TMEM245: variants seen among roughly 807,000 people sequenced by gnomAD.
The protein encoded by TMEM245 is protein CG-2.
TMEM245 carries 69 observed loss-of-function variants against 101.2 expected under a neutral mutation model. That is an observed-to-expected ratio of 0.68 (90% confidence interval 0.56 to 0.83). The LOEUF is 0.83. TMEM245 is among the 40% of genes least tolerant of loss of function. The probability of loss-of-function intolerance (pLI) is 0.00; values close to 1 mark genes in which losing one functional copy is unlikely to be tolerated. For synonymous variants in TMEM245, 537 were observed against 449.8 expected (o/e 1.19, Z -2.45); for missense variants, 1,075 against 1,092.8 (o/e 0.98, Z 0.23).
intron 16 of TMEM245, among the ~76,000 whole-genome samples, chr9:109,033,951 T>C (rs11789624): frequency 0.22 from 34,074 of 152,188 alleles, 4,632 homozygotes; most frequent in Admixed American, 0.3. Flanking sequence ...CTGTTACTCA[T>C]AGGTCAGACT....
intron 17 of TMEM245, among the ~76,000 whole-genome samples, chr9:109,032,338 A>G (rs1225682413): frequency 1.5e-5 from 2 of 131,736 alleles, no homozygotes; most frequent in African/African-American, 5.6e-5. Flanking sequence ...GACTCATGCA[A>G]TGCATTTGGT....
At chr9:109,111,779 C>A (rs1211731561) in intron 1 of TMEM245, among the ~76,000 whole-genome samples, 1 of 152,126 alleles carries the variant, frequency 6.6e-6, no homozygotes, top group Non-Finnish European at 1.5e-5. Context: ...TACAGTGCTA[C>A]AGTGTCAATT....
intron 11 of TMEM245, among the ~76,000 whole-genome samples, chr9:109,057,987 C>CT (rs1828894137): frequency 9.4e-6 from 1 of 105,940 alleles, no homozygotes; most frequent in African/African-American, 3.6e-5. Flanking sequence ...CCCATCTTTG[C>CT]TTTTTCCTCC....
chr9:109,066,709 T>C (rs1180638993), intron 9 of TMEM245, among the ~76,000 whole-genome samples: 12 of 151,766 alleles, frequency 7.9e-5, no homozygotes, highest in African/African-American at 2.7e-4. Flanking sequence ...ATATTGGTAT[T>C]ATATTGATAT....
intron 15 of TMEM245, among the ~76,000 whole-genome samples, chr9:109,037,631 C>T (rs1421870078): frequency 6.6e-6 from 1 of 152,164 alleles, no homozygotes; most frequent in African/African-American, 2.4e-5. Flanking sequence ...CCTGCTTCCC[C>T]CTTACTTTCC....
chr9:109,056,440 C>CA (rs753175633), intron 12 of TMEM245, among the ~76,000 whole-genome samples: 5,133 of 36,722 alleles, frequency 0.14, 575 homozygotes, highest in East Asian at 0.32. Context: ...ACTAAAAATG[C>CA]AAAAAAAAAA....
At chr9:109,092,645 T>C (rs1269584310) in intron 4 of TMEM245, among the ~76,000 whole-genome samples, 1 of 152,220 alleles carries the variant, frequency 6.6e-6, no homozygotes, top group Non-Finnish European at 1.5e-5. Flanking sequence ...AATTCCTTTA[T>C]CTTAGCTGAC....
In TMEM245 at chr9:109,057,172, T is replaced by C; in HGVS notation, c.1854+19A>G. 6.2e-7 allele frequency: 1 copy of C among 1,608,026 alleles called. No homozygotes were observed. The highest frequency in any genetic ancestry group is 1.1e-5 in the South Asian group (1 of 89,950). Reference sequence around the variant, plus strand: ...TTTTTATTTTGAACTTCAGCTTAACTATAAATGCTATTTCTTACCGAAAGA... The same window carrying C: ...TTTTTATTTTGAACTTCAGCTTAACCATAAATGCTATTTCTTACCGAAAGA... On this transcript the variant is annotated intron_variant, in intron 12 of 17. Transcript: ENST00000374586.
At position 109,113,342 on chromosome 9, in the gene TMEM245, T is replaced by C. The variant is rs539836438; in HGVS notation, c.580-4772A>G. On this transcript the variant is annotated intron_variant, in intron 1 of 17. Coordinates refer to ENST00000374586, the MANE Select transcript of TMEM245 (RefSeq NM_032012.4). ...ACATGAGGTTAACAAGTCAACTTTATATATGTTTAGCCTCTGAGCAAACCT... is the reference window on the plus strand; with the variant it reads ...ACATGAGGTTAACAAGTCAACTTTACATATGTTTAGCCTCTGAGCAAACCT... Among the ~76,000 whole-genome samples, 19 of 152,342 alleles carry C rather than the reference T, an allele frequency of 1.2e-4. No homozygotes were observed. In the East Asian group the frequency reaches 3.5e-3, roughly 28 times the overall value.
intron 14 of TMEM245, 90 bp downstream of exon 14, chr9:109,050,193 A>T: frequency 6.8e-7 from 1 of 1,466,430 alleles, no homozygotes; most frequent in Non-Finnish European, 9.3e-7. Context: ...TTTAGCACTG[A>T]ATGTTATCAG....
chr9:109,093,829 T>C (rs1412786642), intron 3 of TMEM245, among the ~76,000 whole-genome samples: 1 of 152,212 alleles, frequency 6.6e-6, no homozygotes, highest in Non-Finnish European at 1.5e-5. Context: ...CTGGTGGATG[T>C]GGCAGACACT....
At chr9:109,082,587 T>C (rs1331104962) in intron 7 of TMEM245, among the ~76,000 whole-genome samples, 5 of 152,144 alleles carry the variant, frequency 3.3e-5, no homozygotes, top group African/African-American at 4.8e-5. Context: ...ATAAAATAAT[T>C]TCAGAATTAA....
intron 8 of TMEM245, among the ~76,000 whole-genome samples, chr9:109,075,657 C>G (rs1330086065): frequency 6.6e-6 from 1 of 152,112 alleles, no homozygotes; most frequent in African/African-American, 2.4e-5. Flanking sequence ...ACAATATTCC[C>G]TTATCCTTTC....
chr9:109,059,089 A>G (rs1828932631), intron 11 of TMEM245, among the ~76,000 whole-genome samples: 1 of 152,168 alleles, frequency 6.6e-6, no homozygotes, highest in African/African-American at 2.4e-5. Context: ...TGTGAGGGGT[A>G]ATAAAAGCTA....
At chr9:109,112,432 T>C (rs1181205832) in intron 1 of TMEM245, among the ~76,000 whole-genome samples, 7 of 151,752 alleles carry the variant, frequency 4.6e-5, no homozygotes, top group Non-Finnish European at 7.4e-5. Context: ...TCCCAGCTAC[T>C]TGGGAGGCTG....
chr9:109,084,575 T>G (rs957194956), intron 7 of TMEM245, among the ~76,000 whole-genome samples: 85 of 152,260 alleles, frequency 5.6e-4, no homozygotes, highest in African/African-American at 2.0e-3. Flanking sequence ...TAACACAAAT[T>G]GAAGAAAAGT....
chr9:109,113,312 C>T (rs10979692), intron 1 of TMEM245, among the ~76,000 whole-genome samples: 10,228 of 152,166 alleles, frequency 0.067, 445 homozygotes, highest in African/African-American at 0.1. Flanking sequence ...TTCACTAACA[C>T]GGAAACATGA....
chr9:109,042,904 G>A (rs1828359545), intron 14 of TMEM245, among the ~76,000 whole-genome samples: 1 of 140,990 alleles, frequency 7.1e-6, no homozygotes, highest in Non-Finnish European at 1.5e-5. Context: ...AGAGTGCAGT[G>A]GTGCAATCCT....
chr9:109,086,869 A>G (rs975070578), intron 6 of TMEM245, among the ~76,000 whole-genome samples: 7 of 152,204 alleles, frequency 4.6e-5, no homozygotes, highest in Non-Finnish European at 7.3e-5. Flanking sequence ...ACCTAGCTAC[A>G]TAATTTTAGG....
Sources: allele counts gnomAD v4.1 joint callset (sites outside exome capture counted in the v4.1 genomes callset), GRCh38; gene constraint gnomAD v4.1.1; transcripts MANE v1.5; gene names NCBI Gene and HGNC (gene_info 2026-07-23, HGNC 2026-07-21).